SCFD2: variants seen among roughly 807,000 people sequenced by gnomAD.
SCFD2 encodes sec1 family domain containing 2, also known as sec1 family domain-containing protein 2.
In SCFD2, 54 loss-of-function variants were observed where a neutral mutation model predicts 58.9. That is an observed-to-expected ratio of 0.92 (90% CI 0.74 to 1.15). The LOEUF (loss-of-function observed/expected upper bound fraction) is 1.15. SCFD2 is among the 50% of genes most tolerant of loss of function. SCFD2 has a pLI of 0.00. For synonymous variants in SCFD2, 321 were observed against 335.9 expected, an observed-to-expected ratio of 0.96 and a Z score of 0.49; for missense variants, 805 against 836.6, an observed-to-expected ratio of 0.96 and a Z score of 0.47.
intron 5 of SCFD2, among the ~76,000 whole-genome samples, chr4:53,093,087 TACTGTTAAAACATTGGGAAAAAGA>T (rs2148867680): frequency 6.6e-6 from 1 of 152,230 alleles, no homozygotes; most frequent in South Asian, 2.1e-4. Context: ...GAGCAGGAGA[TACTGTTAAAACATTGGGAAAAAGA>T]GGAGAGTTGA....
chr4:53,336,054 G>A (rs953295228), intron 2 of SCFD2, among the ~76,000 whole-genome samples: 1 of 152,122 alleles, frequency 6.6e-6, no homozygotes, highest in African/African-American at 2.4e-5. Flanking sequence ...CTAAATAAGA[G>A]TAAAGCCAAA....
At chr4:53,290,215 G>C (rs984661293) in intron 3 of SCFD2, among the ~76,000 whole-genome samples, 2 of 152,092 alleles carry the variant, frequency 1.3e-5, no homozygotes, top group African/African-American at 2.4e-5. Flanking sequence ...TACACTATAT[G>C]TGAGGCCACA....
intron 2 of SCFD2, among the ~76,000 whole-genome samples, chr4:53,332,595 T>C: frequency 6.6e-6 from 1 of 152,222 alleles, no homozygotes; most frequent in Non-Finnish European, 1.5e-5. Context: ...ATGGGATGTA[T>C]CTCAAAATAG....
intron 4 of SCFD2, among the ~76,000 whole-genome samples, chr4:53,177,760 A>C (rs1478649674): frequency 6.6e-6 from 1 of 152,136 alleles, no homozygotes; most frequent in Admixed American, 6.5e-5. Flanking sequence ...TAGTCAAAGA[A>C]AGCAGTGACA....
In SCFD2 at chr4:53,264,084, G is replaced by A. The variant is rs183785209; in HGVS notation, c.1311+9742C>T. On this transcript the variant is annotated intron_variant, in intron 4 of 8. Coordinates refer to ENST00000401642, the MANE Select transcript of SCFD2 (RefSeq NM_152540.4). ...ATCACCAGGGAAAAGGGGTAAAGCCGGCAGTCTCAGGCTTCACCCCGCTCC... is the reference window on the plus strand; with the variant it reads ...ATCACCAGGGAAAAGGGGTAAAGCCAGCAGTCTCAGGCTTCACCCCGCTCC... 3.4e-4 allele frequency among the ~76,000 whole-genome samples: 52 copies of A among 152,196 alleles called. No homozygotes were observed. The East Asian group carries it at 7.7e-3, about 23-fold the overall frequency.
intron 3 of SCFD2, among the ~76,000 whole-genome samples, chr4:53,283,954 TAAAAATACAA>T (rs1263828938): frequency 1.3e-5 from 2 of 151,400 alleles, no homozygotes; most frequent in East Asian, 3.9e-4. Context: ...CCGTCTCTAC[TAAAAATACAA>T]AAAAATTAGC....
intron 2 of SCFD2, among the ~76,000 whole-genome samples, chr4:53,334,211 G>C (rs11133264): frequency 6.7e-6 from 1 of 148,386 alleles, no homozygotes; most frequent in Admixed American, 6.7e-5. Flanking sequence ...CAGGGATCTA[G>C]AACTAGAAAT....
In SCFD2 at chr4:52,897,176, A is replaced by G. The variant is rs1422638227; in HGVS notation, c.1842+10281T>C. Among the ~76,000 whole-genome samples the G allele has an allele frequency of 5.3e-5, 8 of 152,218 alleles. No homozygotes were observed. The East Asian group carries it at 1.2e-3, about 22-fold the overall frequency. ...CTTCTCCTGCCTGATTGCCCTGGCC[A>G]GAACTTCCAACACTATGTTGAACAG... On this transcript the variant is annotated intron_variant, in intron 7 of 8. Transcript: ENST00000401642.
intron 5 of SCFD2, among the ~76,000 whole-genome samples, chr4:53,066,713 T>G (rs1230914045): frequency 6.6e-6 from 1 of 152,034 alleles, no homozygotes; most frequent in Non-Finnish European, 1.5e-5. Context: ...TCACTTTCCC[T>G]GCCTATTTCA....
At chr4:52,947,435 T>C (rs1720460556) in intron 5 of SCFD2, among the ~76,000 whole-genome samples, 1 of 152,200 alleles carries the variant, frequency 6.6e-6, no homozygotes, top group Non-Finnish European at 1.5e-5. Flanking sequence ...AAGTGAAGTG[T>C]GTATGTATAA....
chr4:53,271,863 T>G (rs1375751398), intron 4 of SCFD2, among the ~76,000 whole-genome samples: 7 of 152,096 alleles, frequency 4.6e-5, no homozygotes, highest in Non-Finnish European at 7.4e-5. Context: ...GGGATCTCAT[T>G]AAACTAAAGA....
chr4:53,243,704 A>G (rs994482465), intron 4 of SCFD2, among the ~76,000 whole-genome samples: 6 of 152,214 alleles, frequency 3.9e-5, no homozygotes, highest in East Asian at 1.9e-4. Flanking sequence ...AGAAAAAAAA[A>G]AGAGAGAAAA....
intron 2 of SCFD2, among the ~76,000 whole-genome samples, chr4:53,350,540 G>T (rs566186478): frequency 1.3e-5 from 2 of 152,204 alleles, no homozygotes; most frequent in African/African-American, 4.8e-5. Flanking sequence ...AGCCAAAATT[G>T]ATTTCCATTG....
intron 5 of SCFD2, among the ~76,000 whole-genome samples, chr4:53,036,291 G>C (rs190735426): frequency 5.0e-4 from 75 of 151,278 alleles, no homozygotes; most frequent in Non-Finnish European, 9.7e-4. Flanking sequence ...TCCCACTTAC[G>C]TGTGACAACA....
At chr4:52,900,009 T>C (rs1227335688) in intron 7 of SCFD2, among the ~76,000 whole-genome samples, 1 of 152,234 alleles carries the variant, frequency 6.6e-6, no homozygotes, top group Non-Finnish European at 1.5e-5. Flanking sequence ...ATCAGGTCCT[T>C]TAAGGACTTC....
At chr4:53,084,979 A>C (rs544172215) in intron 5 of SCFD2, among the ~76,000 whole-genome samples, 26 of 152,342 alleles carry the variant, frequency 1.7e-4, no homozygotes, top group African/African-American at 5.5e-4. Flanking sequence ...TCTGGAACAC[A>C]ACAAGGATAT....
chr4:52,901,568 C>T (rs970358726), intron 7 of SCFD2, among the ~76,000 whole-genome samples: 1 of 152,200 alleles, frequency 6.6e-6, no homozygotes, highest in Non-Finnish European at 1.5e-5. Context: ...TGCCACTCAG[C>T]ATCTACTTTC....
Position 53,109,320 on chromosome 4 carries a change from C to T in SCFD2, c.1561+36013G>A, listed in dbSNP as rs1388374354. On this transcript the variant is annotated intron_variant, in intron 5 of 8. Coordinates refer to ENST00000401642, the MANE Select transcript of SCFD2 (RefSeq NM_152540.4). ...GAAAACCAGCACAAGACAAGGATGCCTTCTCTCACCACTCCTATTCAACAT... is the reference window on the plus strand; with the variant it reads ...GAAAACCAGCACAAGACAAGGATGCTTTCTCTCACCACTCCTATTCAACAT... Among the ~76,000 whole-genome samples, 6 of 152,164 alleles carry T rather than the reference C, an allele frequency of 3.9e-5. No homozygotes were observed. The East Asian group carries it at 1.2e-3, about 29-fold the overall frequency.
At chr4:53,285,390 G>A (rs575968368) in intron 3 of SCFD2, among the ~76,000 whole-genome samples, 1 of 151,686 alleles carries the variant, frequency 6.6e-6, no homozygotes, top group Non-Finnish European at 1.5e-5. Context: ...TGCTCTTAAG[G>A]GTGCCTCTAA....
Sources: allele counts gnomAD v4.1 joint callset (sites outside exome capture counted in the v4.1 genomes callset), GRCh38; gene constraint gnomAD v4.1.1; transcripts MANE v1.5; gene names NCBI Gene and HGNC (gene_info 2026-07-23, HGNC 2026-07-21).